The following WDR27 variants were observed in gnomAD, a reference collection of about 807,000 sequenced individuals.
WDR27 encodes WD repeat-containing protein 27.
Under a neutral mutation model 114.4 loss-of-function variants are expected in WDR27, and 100 were observed. The ratio of observed to expected loss-of-function variants is 0.87; its 90% confidence interval spans 0.74 to 1.03. The LOEUF is 1.03. WDR27 is among the 50% of genes least tolerant of loss of function. WDR27 has a pLI of 0.00. For missense variants in WDR27, 1,129 were observed against 1,092.9 expected (o/e 1.03, Z -0.47); for synonymous variants, 449 against 423.1 (o/e 1.06, Z -0.75).
intron 21 of WDR27, among the ~76,000 whole-genome samples, chr6:169,626,139 C>G (rs1327416657): frequency 6.6e-6 from 1 of 152,190 alleles, no homozygotes; most frequent in Non-Finnish European, 1.5e-5. Context: ...TCTGAAGGCA[C>G]AGGTCCACAG....
At position 169,672,340 on chromosome 6, in the gene WDR27, T is replaced by C; in HGVS notation, c.246A>G (p.Lys82=). The C allele has an allele frequency of 6.2e-7, 1 of 1,612,936 alleles. No homozygotes were observed. The highest frequency in any genetic ancestry group is 1.1e-5 in the South Asian group (1 of 90,832). ...QPITAMAFGN[K]VNPLLICSAS... ...CTGAGCAGATTAGAAGTGGGTTCAC[T>C]TTATTTCCAAAAGCCATAGCAGTAA... Residue 82 remains lysine, a synonymous_variant, in exon 3 of 26, where the codon AAA becomes AAG. Coordinates refer to ENST00000448612, the MANE Select transcript of WDR27 (RefSeq NM_182552.5).
At chr6:169,603,151 CTTT>C (rs11285980) in intron 22 of WDR27, among the ~76,000 whole-genome samples, 15 of 136,656 alleles carry the variant, frequency 1.1e-4, no homozygotes, top group Non-Finnish European at 1.1e-4. Flanking sequence ...CAAGATAATT[CTTT>C]TTTTTTTTTT....
intron 25 of WDR27, among the ~76,000 whole-genome samples, chr6:169,482,004 C>T (rs970477215): frequency 6.6e-6 from 1 of 152,184 alleles, no homozygotes; most frequent in African/African-American, 2.4e-5. Context: ...CTCTATGTGC[C>T]ATGAGTTCTC....
the WDR27 span, among the ~76,000 whole-genome samples, chr6:169,429,507 G>A: frequency 6.7e-6 from 1 of 149,796 alleles, no homozygotes; most frequent in African/African-American, 2.5e-5. Context: ...CTGATTGTCT[G>A]GAATCTAGAA....
chr6:169,621,502 A>C (rs1813237465), intron 21 of WDR27, among the ~76,000 whole-genome samples: 1 of 151,986 alleles, frequency 6.6e-6, no homozygotes, highest in African/African-American at 2.4e-5. Flanking sequence ...ATACATACCC[A>C]CACATGCATT....
downstream of WDR27, among the ~76,000 whole-genome samples, chr6:169,456,977 C>T (rs1165557120): frequency 6.6e-6 from 1 of 150,776 alleles, no homozygotes; most frequent in African/African-American, 2.4e-5. The surrounding 1 kb of genome is among the most constrained non-coding windows in gnomAD (Gnocchi z 4.0). Flanking sequence ...CAGTCAGAGA[C>T]CATGCTCGGC....
chr6:169,597,259 T>C (rs1806989760), intron 23 of WDR27, among the ~76,000 whole-genome samples: 1 of 152,250 alleles, frequency 6.6e-6, no homozygotes, highest in African/African-American at 2.4e-5. Context: ...TCCCTGAATA[T>C]ATTAATCATG....
chr6:169,638,721 G>A, intron 17 of WDR27, 61 bp from the exon 18 acceptor site: 1 of 1,535,216 alleles, frequency 6.5e-7, no homozygotes, highest in Non-Finnish European at 8.8e-7. Context: ...TTGACTGAGT[G>A]CTACTTATCT....
intron 25 of WDR27, among the ~76,000 whole-genome samples, chr6:169,548,702 C>A (rs1797748548): frequency 6.6e-6 from 1 of 152,094 alleles, no homozygotes; most frequent in Admixed American, 6.6e-5. Flanking sequence ...AAAGAAGAGA[C>A]AAACAGAACA....
At chr6:169,647,417 C>A (rs1204628791) in intron 16 of WDR27, among the ~76,000 whole-genome samples, 1 of 152,224 alleles carries the variant, frequency 6.6e-6, no homozygotes, top group Non-Finnish European at 1.5e-5. Flanking sequence ...GTGACTGTTC[C>A]ATTAGCTTCT....
At chr6:169,522,204 C>T (rs894499595) in intron 25 of WDR27, among the ~76,000 whole-genome samples, 1 of 151,916 alleles carries the variant, frequency 6.6e-6, no homozygotes, top group Non-Finnish European at 1.5e-5. Context: ...AGATAATAGA[C>T]TACAAATCAA....
rs894579790 is a variant in WDR27 at position 169,528,987 on chromosome 6, T to C, written c.2645+43432A>G. Among the ~76,000 whole-genome samples the C allele has an allele frequency of 2.0e-5, 3 of 152,286 alleles. No homozygotes were observed. In the East Asian group the frequency reaches 5.8e-4, roughly 29 times the overall value. On this transcript the variant is annotated intron_variant, in intron 25 of 25. Coordinates refer to ENST00000448612, the MANE Select transcript of WDR27 (RefSeq NM_182552.5). ...TCAGCAGTTACACTCCTAAAAAGTA[T>C]TAAGAGAAAATACTCACCCTAGTAT...
At chr6:169,431,576 T>A in the WDR27 span, among the ~76,000 whole-genome samples, 1 of 152,226 alleles carries the variant, frequency 6.6e-6, no homozygotes, top group African/African-American at 2.4e-5. Context: ...ATGAGGGATT[T>A]TTTTCCCTGT....
At chr6:169,695,300 G>A (rs1169324901) in intron 1 of WDR27, among the ~76,000 whole-genome samples, 1 of 152,180 alleles carries the variant, frequency 6.6e-6, no homozygotes, top group Non-Finnish European at 1.5e-5. Flanking sequence ...AATCAGGAGT[G>A]GCTCCTAGCT....
intron 25 of WDR27, among the ~76,000 whole-genome samples, chr6:169,551,567 T>C (rs2128103517): frequency 6.6e-6 from 1 of 151,848 alleles, no homozygotes; most frequent in South Asian, 2.1e-4. Flanking sequence ...AAACCCTGTC[T>C]CTACTAAAAA....
At chr6:169,667,837 A>T in intron 5 of WDR27, 145 bp downstream of exon 5, 1 of 783,928 alleles carries the variant, frequency 1.3e-6, no homozygotes, top group Non-Finnish European at 2.0e-6. Context: ...TGTGGAAATC[A>T]GGATAGCGGG....
At chr6:169,476,159 TGGC>T (rs1384412186) in intron 25 of WDR27, among the ~76,000 whole-genome samples, 1 of 152,190 alleles carries the variant, frequency 6.6e-6, no homozygotes, top group African/African-American at 2.4e-5. Flanking sequence ...AAACCCCTTG[TGGC>T]CTTTGGAACA....
At chr6:169,677,706 C>T (rs1310039781) in intron 2 of WDR27, among the ~76,000 whole-genome samples, 1 of 152,226 alleles carries the variant, frequency 6.6e-6, no homozygotes, top group Non-Finnish European at 1.5e-5. Context: ...GCAGTCCCTC[C>T]CATTACAGGC....
intron 25 of WDR27, among the ~76,000 whole-genome samples, chr6:169,523,021 A>G (rs1794570718): frequency 6.6e-6 from 1 of 151,960 alleles, no homozygotes; most frequent in African/African-American, 2.4e-5. Flanking sequence ...CAAAATGAAA[A>G]GTTGGTTTTA....
Sources: allele counts gnomAD v4.1 joint callset (sites outside exome capture counted in the v4.1 genomes callset), GRCh38; gene constraint gnomAD v4.1.1; non-coding constraint Gnocchi (gnomAD v3.1); transcripts MANE v1.5; gene names NCBI Gene and HGNC (gene_info 2026-07-23, HGNC 2026-07-21).